RAPGEF1: variants seen among roughly 807,000 people sequenced by gnomAD.
The protein encoded by RAPGEF1 is CRK SH3-binding GNRP.
RAPGEF1 carries 33 observed loss-of-function variants against 143.3 expected under a neutral mutation model. The ratio of observed to expected loss-of-function variants is 0.23; its 90% CI spans 0.17 to 0.31. The LOEUF (loss-of-function observed/expected upper bound fraction) is 0.31. Ranked by LOEUF, RAPGEF1 falls within the 10% of genes least tolerant of loss-of-function variation. The probability of loss-of-function intolerance (pLI) is 1.00; values close to 1 mark genes in which losing one functional copy is unlikely to be tolerated. For synonymous variants in RAPGEF1, 629 were observed against 676.5 expected (o/e 0.93, Z 1.09); for missense variants, 1,199 against 1,645.4 (o/e 0.73, Z 4.69).
chr9:131,712,054 G>A (rs1256678829), intron 1 of RAPGEF1, among the ~76,000 whole-genome samples: 3 of 152,028 alleles, frequency 2.0e-5, no homozygotes, highest in South Asian at 2.1e-4. Flanking sequence ...GCAAAATCAC[G>A]GCCTGAGAGT....
intron 1 of RAPGEF1, among the ~76,000 whole-genome samples, chr9:131,712,581 C>T (rs1425690041): frequency 6.6e-6 from 1 of 152,182 alleles, no homozygotes; most frequent in Non-Finnish European, 1.5e-5. Flanking sequence ...TCTGGGGCAG[C>T]TCCTCCTGGC....
intron 18 of RAPGEF1, 51 bp downstream of exon 18, chr9:131,592,048 T>G: frequency 1.4e-6 from 2 of 1,412,974 alleles, no homozygotes; most frequent in South Asian, 1.2e-5. Context: ...GGTCCCTCTC[T>G]CTCCAAAATG....
chr9:131,582,521 C>A, intron 25 of RAPGEF1, 84 bp downstream of exon 25: 1 of 1,044,506 alleles, frequency 9.6e-7, no homozygotes. Context: ...ATTAAGATTT[C>A]TCTGCTGGAG....
intron 1 of RAPGEF1, among the ~76,000 whole-genome samples, chr9:131,716,475 C>A (rs1229613399): frequency 2.0e-5 from 3 of 152,140 alleles, no homozygotes; most frequent in African/African-American, 7.2e-5. Flanking sequence ...CTTCTTAAAC[C>A]CCTGATGTGG....
At position 131,740,028 on chromosome 9, in the gene RAPGEF1, G is replaced by C; in HGVS notation, c.-198C>G. 1 of 149,328 alleles carries C rather than the reference G, an allele frequency of 6.7e-6. No individual in the cohort carries two copies. Among genetic ancestry groups the C allele is most frequent in the Non-Finnish European group, 1.4e-5 (1 of 69,092 alleles). 9.3% of individuals were successfully genotyped at this position (149,328 alleles called of 1,614,324 possible). A position where few individuals can be genotyped will look rare whatever the true frequency, so the allele number is the denominator to read the frequency against. On this transcript the variant is annotated 5_prime_UTR_variant, in exon 1 of 27. Coordinates refer to ENST00000683357, the MANE Select transcript of RAPGEF1 (RefSeq NM_001377935.1). This position sits in a 1 kb window ranked among gnomAD's most constrained non-coding sequence, Gnocchi z 4.5. ...CCGCCGCCGCCGCTCCGCCTCCCGC[G>C]CGCCCGCCGCCGCTCCCCCGGCCCG...
chr9:131,624,625 A>C (rs1962370334), intron 10 of RAPGEF1, among the ~76,000 whole-genome samples: 2 of 152,182 alleles, frequency 1.3e-5, no homozygotes, highest in African/African-American at 4.8e-5. Context: ...AGGGAAGGAA[A>C]GGGGGTGAAC....
At position 131,638,803 on chromosome 9, in the gene RAPGEF1, A is replaced by G; in HGVS notation, c.495-12T>C. On this transcript the variant is annotated splice_polypyrimidine_tract_variant and intron_variant, in intron 4 of 26. Coordinates refer to ENST00000683357, the MANE Select transcript of RAPGEF1 (RefSeq NM_001377935.1). ...AAGAGAGGGCTGAGCTACAGGGAAG[A>G]GAAGAATGGAAAAAAAGAAAATCTA... 1 of 1,612,412 alleles carries G rather than the reference A, an allele frequency of 6.2e-7. No homozygotes were observed. Among genetic ancestry groups the G allele is most frequent in the East Asian group, 2.2e-5 (1 of 44,868 alleles).
intron 1 of RAPGEF1, among the ~76,000 whole-genome samples, chr9:131,662,882 T>C (rs769791091): frequency 7.2e-5 from 11 of 152,114 alleles, no homozygotes; most frequent in Non-Finnish European, 1.6e-4. Context: ...TTGCCTAGGC[T>C]GGTCTCGAGC....
In RAPGEF1 at chr9:131,628,013, G is replaced by T; in HGVS notation, c.1101C>A (p.Pro367=). 8.1e-6 allele frequency: 13 copies of T among 1,595,392 alleles called. No individual in the cohort carries two copies. The highest frequency in any genetic ancestry group is 1.1e-5 in the Non-Finnish European group (13 of 1,171,320). The change falls in exon 9 of 27, where the codon CCC becomes CCA. Residue 367 remains proline, a synonymous_variant. Coordinates refer to ENST00000683357, the MANE Select transcript of RAPGEF1 (RefSeq NM_001377935.1). The surrounding 1 kb of genome is among the most constrained non-coding windows in gnomAD (Gnocchi z 5.7). ...TGCTGAGCTTGCCTATGCTGCTGCA[G>T]GGGGAGAGGCGGGGCGACTCTCCAC... ...SYGGESPRLS[P]CSSIGKLSKS...
intron 5 of RAPGEF1, among the ~76,000 whole-genome samples, chr9:131,637,117 C>T (rs942461882): frequency 5.3e-5 from 8 of 151,892 alleles, no homozygotes; most frequent in South Asian, 2.1e-4. Context: ...CCCAGCATCT[C>T]GGGAGGCTGA....
chr9:131,687,690 AGCCCCTAGGTTGGT>A lies in RAPGEF1; in HGVS notation c.62-36755_62-36742del, dbSNP rs1482151795. The stretch of plus-strand genomic sequence containing the variant: ...CTGTGATTCCTTTAGAACTCAGAGC[AGCCCCTAGGTTGGT>A]GCCAAGGAGGACAAGTTTAAATGTA... On this transcript the variant is annotated intron_variant, in intron 1 of 26. Transcript: ENST00000683357. Among the ~76,000 whole-genome samples, 6 of 152,354 alleles carry A rather than the reference AGCCCCTAGGTTGGT, an allele frequency of 3.9e-5. No homozygotes were observed. The East Asian group carries it at 1.2e-3, about 29-fold the overall frequency.
chr9:131,726,157 G>T (rs1396332519), intron 1 of RAPGEF1, among the ~76,000 whole-genome samples: 1 of 152,124 alleles, frequency 6.6e-6, no homozygotes, highest in African/African-American at 2.4e-5. Context: ...CAGATAAGCA[G>T]TTATTATGTC....
intron 1 of RAPGEF1, among the ~76,000 whole-genome samples, chr9:131,699,658 C>T (rs1834481874): frequency 6.6e-6 from 1 of 152,148 alleles, no homozygotes; most frequent in Non-Finnish European, 1.5e-5. Flanking sequence ...CCGAAGCCCC[C>T]TCTCTGCCTC....
chr9:131,714,861 C>A (rs940780022), intron 1 of RAPGEF1, among the ~76,000 whole-genome samples: 1 of 152,112 alleles, frequency 6.6e-6, no homozygotes, highest in Non-Finnish European at 1.5e-5. Flanking sequence ...GCACTTGCCA[C>A]CATGCCTGGT....
intron 12 of RAPGEF1, among the ~76,000 whole-genome samples, chr9:131,617,412 G>C (rs1362098939): frequency 6.6e-6 from 1 of 152,260 alleles, no homozygotes; most frequent in Admixed American, 6.5e-5. Context: ...TGCACTCCAA[G>C]GTCCTCAGAC....
At chr9:131,632,532 C>T (rs747332098) in intron 5 of RAPGEF1, among the ~76,000 whole-genome samples, 5 of 152,238 alleles carry the variant, frequency 3.3e-5, no homozygotes, top group Middle Eastern at 6.8e-3. Context: ...CATAAGATTA[C>T]GTATCATTAA....
intron 12 of RAPGEF1, among the ~76,000 whole-genome samples, chr9:131,610,311 G>A (rs898197409): frequency 9.2e-5 from 14 of 151,912 alleles, no homozygotes; most frequent in African/African-American, 3.4e-4. Context: ...CTCATCAGCG[G>A]CTGAGGGTTA....
At chr9:131,622,174 G>A (rs1564548353) in intron 10 of RAPGEF1, among the ~76,000 whole-genome samples, 176 bp from the exon 11 acceptor site, 1 of 152,128 alleles carries the variant, frequency 6.6e-6, no homozygotes, top group Non-Finnish European at 1.5e-5. Context: ...TGTCTGATGC[G>A]CTAACGGAGG....
rs1832213177 is a variant in RAPGEF1, at chr9:131,675,675, A to C, written c.62-24726T>G. 6.6e-6 allele frequency among the ~76,000 whole-genome samples: 1 copy of C among 152,240 alleles called. No homozygotes were observed. The highest frequency in any genetic ancestry group is 6.5e-5 in the Admixed American group (1 of 15,286). On this transcript the variant is annotated intron_variant, in intron 1 of 26. Transcript: ENST00000683357. The surrounding 1 kb of genome is among the most constrained non-coding windows in gnomAD (Gnocchi z 4.6). The stretch of plus-strand genomic sequence containing the variant: ...TACCAGGAAAGCCCCCAGGGAATGA[A>C]GGTAGAGAAGAGGAATTTAAGGCAA...
Sources: allele counts gnomAD v4.1 joint callset (sites outside exome capture counted in the v4.1 genomes callset), GRCh38; gene constraint gnomAD v4.1.1; non-coding constraint Gnocchi (gnomAD v3.1); transcripts MANE v1.5; gene names NCBI Gene and HGNC (gene_info 2026-07-23, HGNC 2026-07-21).